Variants in PRDM8 observed in about 807,000 individuals in gnomAD.
PRDM8 encodes the protein PR/SET domain 8, also known as PR domain zinc finger protein 8.
A neutral mutation model predicts 46.5 loss-of-function variants in PRDM8; 13 were observed. The ratio of observed to expected loss-of-function variants is 0.28; its 90% CI spans 0.18 to 0.44. The LOEUF is 0.44. Ranked by LOEUF, PRDM8 falls within the 20% of genes least tolerant of loss-of-function variation. The pLI is 1.00. For missense variants in PRDM8, 998 were observed against 955.0 expected (o/e 1.04, Z -0.59); for synonymous variants, 473 against 438.4 (o/e 1.08, Z -0.98).
At chr4:80,200,373 T>C in intron 2 of PRDM8, 74 bp downstream of exon 2, 2 of 1,327,562 alleles carry the variant, frequency 1.5e-6, no homozygotes, top group Non-Finnish European at 2.1e-6. Flanking sequence ...ATAATTATAA[T>C]GACAAGTGGA....
At chr4:80,189,009 G>A (rs1737338678) in intron 1 of PRDM8, among the ~76,000 whole-genome samples, 2 of 152,180 alleles carry the variant, frequency 1.3e-5, no homozygotes, top group Non-Finnish European at 2.9e-5. Flanking sequence ...CAAGCTCCGG[G>A]ACTTGGGTGT....
rs1369436425 is a variant in PRDM8, at chr4:80,202,537, G to A, written c.1075G>A (p.Gly359Ser). The change falls in exon 4 of 4, where the codon GGC (glycine) becomes AGC (serine). Residue 359 changes from glycine to serine, a missense_variant. Physicochemically the swap from Gly to Ser is moderately conservative, Grantham distance 56. Coordinates refer to ENST00000415738, the MANE Select transcript of PRDM8 (RefSeq NM_001099403.2). ...CACACCGCAGCAGTACCGAGCCTCG[G>A]GCAGCTACTTCGGCCTGGAAGAGAA... Reference protein sequence around the residue: ...VCTPQQYRASGSYFGLEENGR... With the variant: ...VCTPQQYRASSSYFGLEENGR... 5.0e-5 allele frequency: 77 copies of A among 1,536,094 alleles called. No individual in the cohort carries two copies. The highest frequency in any genetic ancestry group is 6.5e-5 in the Non-Finnish European group (74 of 1,146,540).
At chr4:80,190,576 C>T (rs1185104631) in intron 1 of PRDM8, among the ~76,000 whole-genome samples, 1 of 152,218 alleles carries the variant, frequency 6.6e-6, no homozygotes, top group Non-Finnish European at 1.5e-5. Flanking sequence ...GGGCGTTACT[C>T]TCCTTGGATC....
rs1319969823 is a variant in PRDM8 at position 80,203,015 on chromosome 4, A to G, written c.1553A>G (p.Gln518Arg). ...CAGCTGTCCCCGCTGGTGCTGGGCC[A>G]GAAGCTGGGCGCGCTCGAGCCATGC... ...FSQLSPLVLG[Q>R]KLGALEPCHP... The change falls in exon 4 of 4, where the codon CAG becomes CGG. Residue 518 changes from glutamine (Q) to arginine (R), a missense_variant. Coordinates refer to ENST00000415738, the MANE Select transcript of PRDM8 (RefSeq NM_001099403.2). The G allele has an allele frequency of 9.8e-6, 15 of 1,530,210 alleles. No individual in the cohort carries two copies. The East Asian group carries it at 3.3e-4, about 34-fold the overall frequency. The allele number at this position is 1,530,210 out of a possible 1,614,324, so 94.8% of individuals were successfully genotyped here.
chr4:80,197,291 G>C, upstream of PRDM8: 8 of 974,722 alleles, frequency 8.2e-6, no homozygotes, highest in Non-Finnish European at 9.8e-6. Flanking sequence ...AGGAGGAGGC[G>C]GGCCGGGACG....
intron 1 of PRDM8, among the ~76,000 whole-genome samples, chr4:80,198,994 G>GTTTTTTTTTTTTTTTTT (rs1310531623): frequency 2.7e-4 from 17 of 63,508 alleles, no homozygotes; most frequent in African/African-American, 8.3e-4. Context: ...TTTTTTTTTT[G>GTTTTTTTTTTTTTTTTT]TTTTTTTTTT....
intron 2 of PRDM8, 102 bp from the exon 3 acceptor site, chr4:80,201,188 C>T (rs1738410581): frequency 3.5e-6 from 4 of 1,159,320 alleles, no homozygotes; most frequent in African/African-American, 3.1e-5. Flanking sequence ...TTGGAAAAGA[C>T]TAACATAGAA....
In PRDM8 at chr4:80,200,061, C is replaced by T; in HGVS notation, c.-2-18C>T. The T allele has an allele frequency of 6.3e-7, 1 of 1,591,094 alleles. No homozygotes were observed. The highest frequency in any genetic ancestry group is 8.6e-7 in the Non-Finnish European group (1 of 1,159,950). The stretch of plus-strand genomic sequence containing the variant: ...CAGTAACATAACTCACTTTCTTGTG[C>T]TGTGTGTCTATCTCCAGTGATGGAG... On this transcript the variant is annotated intron_variant, in intron 1 of 3. Transcript: ENST00000415738.
At position 80,202,234 on chromosome 4, in the gene PRDM8, T is replaced by C; in HGVS notation, c.772T>C (p.Ser258Pro). The C allele has an allele frequency of 6.2e-7, 1 of 1,609,530 alleles. No individual in the cohort carries two copies. The highest frequency in any genetic ancestry group is 8.5e-7 in the Non-Finnish European group (1 of 1,179,144). The change falls in exon 4 of 4, where the codon TCC becomes CCC. Residue 258 changes from serine to proline, a missense_variant. Coordinates refer to ENST00000415738, the MANE Select transcript of PRDM8 (RefSeq NM_001099403.2). ...AAAGGSSAKP[S>P]TDFHNLAREL... ...CGCCGGCGGCAGCAGCGCGAAGCCA[T>C]CCACAGACTTCCACAACCTGGCCAG... is the stretch of plus-strand genomic sequence containing the variant.
At chr4:80,201,252 T>C (rs761059124) in intron 2 of PRDM8, 38 bp from the exon 3 acceptor site, 2 of 1,579,400 alleles carry the variant, frequency 1.3e-6, no homozygotes, top group African/African-American at 1.3e-5. Flanking sequence ...CCTCTCCCCC[T>C]CTCCTTCTTG....
At chr4:80,200,368 T>A in intron 2 of PRDM8, 69 bp downstream of exon 2, 1 of 1,391,836 alleles carries the variant, frequency 7.2e-7, no homozygotes, top group Non-Finnish European at 1.0e-6. Context: ...TAAAAATAAT[T>A]ATAATGACAA....
In PRDM8 at chr4:80,202,970, A is replaced by G; in HGVS notation, c.1508A>G (p.Gln503Arg). ...ASDERKSAFS[Q>R]PARSFSQLSP... ...GACGAGCGCAAAAGCGCCTTCTCGC[A>G]GCCAGCACGCTCTTTCTCGCAGCTG... Residue 503 changes from glutamine to arginine, a missense_variant, in exon 4 of 4, where the codon CAG becomes CGG. By Grantham distance (43) the Gln-to-Arg change is conservative. Coordinates refer to ENST00000415738, the MANE Select transcript of PRDM8 (RefSeq NM_001099403.2). 1.3e-6 allele frequency: 2 copies of G among 1,494,234 alleles called. No homozygotes were observed. Among genetic ancestry groups the G allele is most frequent in the Non-Finnish European group, 1.8e-6 (2 of 1,130,372 alleles). 92.6% of individuals were successfully genotyped at this position (1,494,234 alleles called of 1,614,324 possible).
At chr4:80,200,382 G>T in intron 2 of PRDM8, 83 bp downstream of exon 2, 1 of 1,283,576 alleles carries the variant, frequency 7.8e-7, no homozygotes, top group Non-Finnish European at 1.1e-6. Context: ...ATGACAAGTG[G>T]AGATAGGTTT....
At chr4:80,199,421 T>C (rs1175635028) in intron 1 of PRDM8, among the ~76,000 whole-genome samples, 3 of 152,118 alleles carry the variant, frequency 2.0e-5, no homozygotes, top group South Asian at 2.1e-4. Context: ...TGTTGGATTA[T>C]GGTAATGAGC....
upstream of PRDM8, among the ~76,000 whole-genome samples, chr4:80,195,523 T>C (rs1407589635): frequency 6.7e-6 from 1 of 150,170 alleles, no homozygotes; most frequent in African/African-American, 2.5e-5. Context: ...TGTGTGTGTT[T>C]GTGTGTGTGT....
intron 1 of PRDM8, among the ~76,000 whole-genome samples, chr4:80,188,062 G>A (rs1737258515): frequency 6.6e-6 from 1 of 152,160 alleles, no homozygotes; most frequent in Non-Finnish European, 1.5e-5. Context: ...CCCGCATTCA[G>A]CTTCCACAAG....
chr4:80,186,821 A>C (rs1737132276), intron 1 of PRDM8, among the ~76,000 whole-genome samples: 1 of 152,146 alleles, frequency 6.6e-6, no homozygotes, highest in Admixed American at 6.5e-5. Context: ...GTCTCTATAG[A>C]TACAGATACA....
Position 80,202,190 on chromosome 4 carries a change from G to A in PRDM8, c.728G>A (p.Ser243Asn), listed in dbSNP as rs764408979. 5.9e-5 allele frequency: 95 copies of A among 1,612,062 alleles called. 3 individuals carry two copies. In the South Asian group the frequency reaches 1.0e-3, roughly 17 times the overall value. The change falls in exon 4 of 4, where the codon AGC (serine) becomes AAC (asparagine). Residue 243 changes from serine to asparagine, a missense_variant. Coordinates refer to ENST00000415738, the MANE Select transcript of PRDM8 (RefSeq NM_001099403.2). ...LHHYPSPSPE[S>N]SNPSAAAGGS... ...CACTACCCATCCCCCTCCCCGGAAA[G>A]CAGCAACCCATCCGCTGCCGCCGGC...
In PRDM8 at chr4:80,188,151, T is replaced by G. The variant is rs112680557; in HGVS notation, c.-983+2633T>G. Among the ~76,000 whole-genome samples, 3 of 152,340 alleles carry G rather than the reference T, an allele frequency of 2.0e-5. 1 individual carries two copies. The highest frequency in any genetic ancestry group is 7.2e-5 in the African/African-American group (3 of 41,580). On this transcript the variant is annotated intron_variant, in intron 1 of 9. Coordinates refer to the PRDM8 transcript ENST00000339711. ...CACCCCACACACTGACATGCATCTT[T>G]GCATCTTGTTTCTCTCCAAAGAGGA...
Sources: gnomAD v4.1 joint callset for allele counts (sites outside exome capture counted in the v4.1 genomes callset) on GRCh38, gnomAD v4.1.1 for gene constraint, MANE v1.5 for transcripts, NCBI Gene and HGNC (gene_info 2026-07-23, HGNC 2026-07-21) for gene names.